Variants in EXT2 observed in about 807,000 individuals in gnomAD.
The protein encoded by EXT2 is exostosin-2.
Under a neutral mutation model 81.6 loss-of-function variants are expected in EXT2, and 53 were observed. The ratio of observed to expected loss-of-function variants is 0.65; its 90% CI spans 0.52 to 0.82. The LOEUF is 0.82. Ranked by LOEUF, EXT2 falls within the 40% of genes least tolerant of loss-of-function variation. The pLI is 0.00. For synonymous variants in EXT2, 320 were observed against 340.0 expected (o/e 0.94, Z 0.65); for missense variants, 774 against 910.2 (o/e 0.85, Z 1.93).
chr11:44,113,988 A>T (rs1239016952), intron 3 of EXT2, among the ~76,000 whole-genome samples, 197 bp from the exon 4 acceptor site: 1 of 152,070 alleles, frequency 6.6e-6, no homozygotes, highest in East Asian at 1.9e-4. Flanking sequence ...CCCCGGGGGA[A>T]GGCTGGTGAT....
chr11:44,187,401 C>T (rs1025276136), intron 8 of EXT2, among the ~76,000 whole-genome samples: 3 of 151,620 alleles, frequency 2.0e-5, no homozygotes, highest in Non-Finnish European at 4.4e-5. Flanking sequence ...ATGTTGAACT[C>T]CTGGCCTCCA....
intron 7 of EXT2, chr11:44,144,354 G>T: frequency 6.3e-7 from 1 of 1,591,108 alleles, no homozygotes; most frequent in South Asian, 1.1e-5. Flanking sequence ...GGGTGACTTA[G>T]AAAACCGGGC....
chr11:44,154,376 A>T (rs943166157), intron 7 of EXT2, among the ~76,000 whole-genome samples: 4 of 152,130 alleles, frequency 2.6e-5, no homozygotes, highest in African/African-American at 9.7e-5. Context: ...CCTACAAATG[A>T]GTGAGAACAT....
intron 8 of EXT2, among the ~76,000 whole-genome samples, chr11:44,172,148 G>A (rs1056214866): frequency 1.3e-5 from 2 of 152,202 alleles, no homozygotes; most frequent in Non-Finnish European, 2.9e-5. Flanking sequence ...AGTGCTTTAC[G>A]TGTATTACCT....
At chr11:44,127,216 G>T (rs1277783805) in intron 6 of EXT2, among the ~76,000 whole-genome samples, 1 of 152,130 alleles carries the variant, frequency 6.6e-6, no homozygotes, top group Non-Finnish European at 1.5e-5. Context: ...GGCTGTTATT[G>T]TGTCACATTG....
rs1450210665 is a variant in EXT2 at position 44,250,325 on chromosome 11, C to T, written c.*6038C>T. On this transcript the variant is annotated 3_prime_UTR_variant, in exon 14 of 14. Coordinates refer to ENST00000533608, the MANE Select transcript of EXT2 (RefSeq NM_207122.2). ...AGGATGCAAGAAGCTTTAAAATGTC[C>T]TTTTCTCACAGTGACTTCCCTTGAC... Among the ~76,000 whole-genome samples, 1 of 152,214 alleles carries T rather than the reference C, an allele frequency of 6.6e-6. No individual in the cohort carries two copies. The highest frequency in any genetic ancestry group is 2.4e-5 in the African/African-American group (1 of 41,450).
At chr11:44,166,856 A>T (rs1390165168) in intron 7 of EXT2, among the ~76,000 whole-genome samples, 2 of 152,230 alleles carry the variant, frequency 1.3e-5, no homozygotes, top group Non-Finnish European at 2.9e-5. Context: ...TTCTGCTCGG[A>T]TAAGAAACTG....
In EXT2 at chr11:44,107,976, C is replaced by T. The variant is rs35455466; in HGVS notation, c.264C>T (p.His88=). 2.4e-3 allele frequency: 3,880 copies of T among 1,614,210 alleles called. 77 individuals carry two copies. The African/African-American group carries it at 0.044, about 18-fold the overall frequency. ...PERGDLSCRM[H]TCFDVYRCGF... is the part of the protein sequence containing the mutation. ...GGGGGGATCTCAGTTGCAGAATGCA[C>T]ACGTGTTTTGATGTCTATCGCTGTG... is the stretch of plus-strand genomic sequence containing the variant. The change falls in exon 2 of 14, where the codon CAC becomes CAT. Residue 88 remains histidine, a synonymous_variant. Coordinates refer to ENST00000533608, the MANE Select transcript of EXT2 (RefSeq NM_207122.2).
intron 11 of EXT2, 76 bp from the exon 12 acceptor site, chr11:44,234,039 G>C: frequency 1.2e-6 from 2 of 1,605,426 alleles, no homozygotes; most frequent in Non-Finnish European, 1.7e-6. Flanking sequence ...CCATGCCTTG[G>C]CTATGCTGCC....
chr11:44,197,353 T>C (rs958748298), intron 8 of EXT2, among the ~76,000 whole-genome samples: 3 of 152,176 alleles, frequency 2.0e-5, no homozygotes, highest in Non-Finnish European at 2.9e-5. Context: ...GTTGGCTTGC[T>C]TGCCATCGCT....
At chr11:44,122,426 T>C (rs1291736156) in intron 4 of EXT2, among the ~76,000 whole-genome samples, 2 of 152,188 alleles carry the variant, frequency 1.3e-5, no homozygotes, top group Non-Finnish European at 2.9e-5. Context: ...TGGTGTTTAG[T>C]CTGAGATGAA....
intron 13 of EXT2, among the ~76,000 whole-genome samples, chr11:44,237,433 G>A (rs999033187): frequency 2.6e-5 from 4 of 152,076 alleles, no homozygotes; most frequent in Non-Finnish European, 5.9e-5. Flanking sequence ...ACTGGTTGAT[G>A]TGAAATAATA....
intron 7 of EXT2, among the ~76,000 whole-genome samples, chr11:44,147,830 T>C (rs1590594882): frequency 7.1e-6 from 1 of 140,200 alleles, no homozygotes; most frequent in Non-Finnish European, 1.5e-5. Context: ...TTTAACATTC[T>C]ATATTTTTGG....
At chr11:44,124,607 C>T (rs1954370148) in intron 4 of EXT2, among the ~76,000 whole-genome samples, 182 bp from the exon 5 acceptor site, 1 of 152,096 alleles carries the variant, frequency 6.6e-6, no homozygotes, top group Non-Finnish European at 1.5e-5. Flanking sequence ...TCATATCTTA[C>T]TTTCTCACAA....
chr11:44,121,355 GT>G (rs1456725848), intron 4 of EXT2, among the ~76,000 whole-genome samples: 2 of 152,134 alleles, frequency 1.3e-5, no homozygotes, highest in African/African-American at 4.8e-5. Context: ...ATTTATTTCT[GT>G]ATCTGTACAG....
chr11:44,225,902 C>T (rs1955833508), intron 10 of EXT2, among the ~76,000 whole-genome samples: 1 of 152,222 alleles, frequency 6.6e-6, no homozygotes, highest in Admixed American at 6.5e-5. Flanking sequence ...GTCATCAGCT[C>T]CAACTGCCAA....
At chr11:44,231,296 G>T (rs77504331) in intron 10 of EXT2, among the ~76,000 whole-genome samples, 1 of 152,188 alleles carries the variant, frequency 6.6e-6, no homozygotes, top group Non-Finnish European at 1.5e-5. Context: ...TAAAGACTGA[G>T]TCTTAGCTTT....
At chr11:44,232,552 A>G (rs1955912340) in intron 11 of EXT2, 56 bp downstream of exon 11, 15 of 1,601,616 alleles carry the variant, frequency 9.4e-6, no homozygotes, top group Non-Finnish European at 1.3e-5. Context: ...TACACATTTT[A>G]TTTGACCCAA....
chr11:44,232,337 AT>A lies in EXT2; in HGVS notation c.1663-15del, dbSNP rs1554940613. On this transcript the variant is annotated splice_polypyrimidine_tract_variant and intron_variant, in intron 10 of 13. Transcript: ENST00000533608. ...TCTGAATTGGGACTTGATTGTTATT[AT>A]GTGTCTGTCCTTAGGTCTGGCGGGA... is the stretch of plus-strand genomic sequence containing the variant. 1 of 1,613,396 alleles carries A rather than the reference AT, an allele frequency of 6.2e-7. No individual in the cohort carries two copies. Among genetic ancestry groups the A allele is most frequent in the African/African-American group, 1.3e-5 (1 of 74,876 alleles).
Sources: gnomAD v4.1 joint callset for allele counts (sites outside exome capture counted in the v4.1 genomes callset) on GRCh38, gnomAD v4.1.1 for gene constraint, MANE v1.5 for transcripts, NCBI Gene and HGNC (gene_info 2026-07-23, HGNC 2026-07-21) for gene names.